The following TUBB4A variants were observed in gnomAD, a reference collection of about 807,000 sequenced individuals.
The protein encoded by TUBB4A is tubulin beta-4A chain.
In TUBB4A, 13 loss-of-function variants were observed where a neutral mutation model predicts 35.1. The ratio of observed to expected loss-of-function variants is 0.37; its 90% CI spans 0.24 to 0.59. The LOEUF is 0.59. Among genes scored for constraint, TUBB4A ranks in the 20% least tolerant of loss-of-function variants. The pLI, the probability that TUBB4A is intolerant of heterozygous loss-of-function variation, is 0.71. For missense variants in TUBB4A, 299 were observed against 647.2 expected, an observed-to-expected ratio of 0.46 and a Z score of 5.84; for synonymous variants, 279 against 272.4, an observed-to-expected ratio of 1.02 and a Z score of -0.24.
At position 6,501,925 on chromosome 19, in the gene TUBB4A, C is replaced by T; in HGVS notation, c.57+231G>A. 2 of 587,398 alleles carry T rather than the reference C, an allele frequency of 3.4e-6. No individual in the cohort carries two copies. Among genetic ancestry groups the T allele is most frequent in the Non-Finnish European group, 5.9e-6 (2 of 336,174 alleles). 36.4% of individuals were successfully genotyped at this position (587,398 alleles called of 1,614,324 possible). ...GACAGTGGCCCAGCTGTGGGCCCAG[C>T]TGTGACAGGCGGACAGAAGGCTGGC... On this transcript the variant is annotated intron_variant, in intron 1 of 3. Transcript: ENST00000264071. This position sits in a 1 kb window ranked among gnomAD's most constrained non-coding sequence, Gnocchi z 4.2.
At chr19:6,496,315 G>C in intron 3 of TUBB4A, 94 bp from the exon 4 acceptor site, 15 of 1,154,036 alleles carry the variant, frequency 1.3e-5, no homozygotes, top group South Asian at 1.5e-5. Flanking sequence ...TCTAGTAGTT[G>C]AATACTAGTA....
At chr19:6,500,608 G>A (rs566638954) in intron 3 of TUBB4A, 1 of 152,152 alleles carries the variant, frequency 6.6e-6, no homozygotes, top group Non-Finnish European at 1.5e-5. Context: ...GGGTGTGGTG[G>A]TGCATGCCTG....
rs1331074184 is a variant in TUBB4A at position 6,494,852 on chromosome 19, G to A, written c.*312C>T. Reference sequence around the variant, plus strand: ...GGGGGCAGAGGTCAAAGGTGAAGCAGAAGTCAGGGGTGAAGGAAGGTCTGC... The same window carrying A: ...GGGGGCAGAGGTCAAAGGTGAAGCAAAAGTCAGGGGTGAAGGAAGGTCTGC... On this transcript the variant is annotated 3_prime_UTR_variant, in exon 4 of 4. Transcript: ENST00000264071. 2.1e-6 allele frequency: 1 copy of A among 481,486 alleles called. No homozygotes were observed. The highest frequency in any genetic ancestry group is 1.9e-5 in the African/African-American group (1 of 51,496). 29.8% of individuals were successfully genotyped at this position (481,486 alleles called of 1,614,324 possible). A position where few individuals can be genotyped will look rare whatever the true frequency, so the allele number is the denominator to read the frequency against.
At chr19:6,499,721 C>G (rs943234670) in intron 3 of TUBB4A, among the ~76,000 whole-genome samples, 1 of 152,184 alleles carries the variant, frequency 6.6e-6, no homozygotes, top group African/African-American at 2.4e-5. Context: ...AAAACAACGA[C>G]AAATGCTTAT....
chr19:6,495,593 C>A lies in TUBB4A; in HGVS notation c.906G>T (p.Ala302=). 6.2e-7 allele frequency: 1 copy of A among 1,613,984 alleles called. No individual in the cohort carries two copies. The highest frequency in any genetic ancestry group is 8.5e-7 in the Non-Finnish European group (1 of 1,179,910). ...QMFDAKNMMA[A]CDPRHGRYLT... ...GGTAGCGGCCGTGGCGCGGGTCGCACGCCGCCATCATGTTCTTGGCATCGA... is the reference window on the plus strand; with the variant it reads ...GGTAGCGGCCGTGGCGCGGGTCGCAAGCCGCCATCATGTTCTTGGCATCGA... Residue 302 remains alanine, a synonymous_variant, in exon 4 of 4, where the codon GCG becomes GCT. Transcript: ENST00000264071. This position sits in a 1 kb window ranked among gnomAD's most constrained non-coding sequence, Gnocchi z 8.7.
chr19:6,496,607 G>A (rs1341157203), intron 3 of TUBB4A: 3 of 156,486 alleles, frequency 1.9e-5, no homozygotes, highest in East Asian at 1.8e-4. Flanking sequence ...CTGCAGCCTG[G>A]GCAACAGAGC....
Position 6,502,257 on chromosome 19 carries a change from G to T in TUBB4A, c.-45C>A, listed in dbSNP as rs1377765614. 3 of 1,480,244 alleles carry T rather than the reference G, an allele frequency of 2.0e-6. No homozygotes were observed. Among genetic ancestry groups the T allele is most frequent in the African/African-American group, 2.9e-5 (2 of 68,034 alleles). 91.7% of individuals were successfully genotyped at this position (1,480,244 alleles called of 1,614,324 possible). On this transcript the variant is annotated 5_prime_UTR_variant, in exon 1 of 4. Coordinates refer to ENST00000264071, the MANE Select transcript of TUBB4A (RefSeq NM_006087.4). ...GACGCGGCGGCGGTGGCACGAGCGC[G>T]GGGAGCTGCGGCGGCGGCGAGGGTG...
In TUBB4A at chr19:6,501,890, G is replaced by A; in HGVS notation, c.57+266C>T. ...GGGGAGGCACCGGGGCTCTTTGTGCGTGAGGAGGGGACAGTGGCCCAGCTG... is the reference window on the plus strand; with the variant it reads ...GGGGAGGCACCGGGGCTCTTTGTGCATGAGGAGGGGACAGTGGCCCAGCTG... On this transcript the variant is annotated intron_variant, in intron 1 of 3. Transcript: ENST00000264071. The surrounding 1 kb of genome is among the most constrained non-coding windows in gnomAD (Gnocchi z 4.2). 1 of 588,358 alleles carries A rather than the reference G, an allele frequency of 1.7e-6. No individual in the cohort carries two copies. The highest frequency in any genetic ancestry group is 2.9e-5 in the East Asian group (1 of 34,756). 36.4% of individuals were successfully genotyped at this position (588,358 alleles called of 1,614,324 possible). A position where few individuals can be genotyped will look rare whatever the true frequency, so the allele number is the denominator to read the frequency against.
At chr19:6,497,236 A>C (rs1420165560) in intron 3 of TUBB4A, among the ~76,000 whole-genome samples, 1 of 150,246 alleles carries the variant, frequency 6.7e-6, no homozygotes, top group Non-Finnish European at 1.5e-5. Context: ...AATAACAATA[A>C]AAAGATTAAT....
chr19:6,501,377 C>T lies in TUBB4A; in HGVS notation c.187G>A (p.Ala63Thr). 1 of 1,613,896 alleles carries T rather than the reference C, an allele frequency of 6.2e-7. No homozygotes were observed. The highest frequency in any genetic ancestry group is 8.5e-7 in the Non-Finnish European group (1 of 1,179,832). The part of the protein sequence containing the change: ...EATGGNYVPR[A>T]VLVDLEPGTM... Reference sequence around the variant, plus strand: ...CCGGGTTCCAGGTCCACCAGCACCGCTCTGGGGACATAATTTCCTCCTGCA... The same window carrying T: ...CCGGGTTCCAGGTCCACCAGCACCGTTCTGGGGACATAATTTCCTCCTGCA... The change falls in exon 3 of 4, where the codon GCG becomes ACG. Residue 63 changes from alanine (A) to threonine (T), a missense_variant. This residue lies in a region of TUBB4A where 123 missense variants were observed against 226.0 expected (regional missense o/e 0.54). Coordinates refer to ENST00000264071, the MANE Select transcript of TUBB4A (RefSeq NM_006087.4). This position sits in a 1 kb window ranked among gnomAD's most constrained non-coding sequence, Gnocchi z 4.2.
intron 3 of TUBB4A, among the ~76,000 whole-genome samples, chr19:6,500,297 T>G (rs1403591835): frequency 1.3e-5 from 2 of 151,032 alleles, no homozygotes; most frequent in Non-Finnish European, 3.0e-5. Flanking sequence ...CTCAGCTAAT[T>G]AAAATTTTTT....
rs1451228531 is a variant in TUBB4A at position 6,494,857 on chromosome 19, CA to C, written c.*306del. ...CAGAGGTCAAAGGTGAAGCAGAAGT[CA>C]GGGGTGAAGGAAGGTCTGCAAAGTT... On this transcript the variant is annotated 3_prime_UTR_variant, in exon 4 of 4. Coordinates refer to ENST00000264071, the MANE Select transcript of TUBB4A (RefSeq NM_006087.4). The C allele has an allele frequency of 1.0e-5, 5 of 491,208 alleles. No individual in the cohort carries two copies. Among genetic ancestry groups the C allele is most frequent in the East Asian group, 7.3e-5 (2 of 27,412 alleles). The allele number at this position is 491,208 out of a possible 1,614,324, so 30.4% of individuals were successfully genotyped here.
chr19:6,502,459 G>T (rs1013011573), upstream of TUBB4A: 3 of 480,110 alleles, frequency 6.2e-6, no homozygotes, highest in Admixed American at 8.9e-5. Flanking sequence ...TCCCCAGGGG[G>T]CCTCCCAGAG....
chr19:6,499,296 C>T (rs564297317), intron 3 of TUBB4A, among the ~76,000 whole-genome samples: 3 of 150,492 alleles, frequency 2.0e-5, no homozygotes, highest in Non-Finnish European at 4.4e-5. Flanking sequence ...ACGGAGACTC[C>T]GTCTCAAAAA....
In TUBB4A at chr19:6,501,406, A is replaced by G; in HGVS notation, c.167-9T>C. The G allele has an allele frequency of 5.0e-6, 8 of 1,612,194 alleles. No homozygotes were observed. The highest frequency in any genetic ancestry group is 6.8e-6 in the Non-Finnish European group (8 of 1,178,668). ...GGGGACATAATTTCCTCCTGCAGGGAAACAGATGGAGGGCAGTTCGATGCG... is the reference window on the plus strand; with the variant it reads ...GGGGACATAATTTCCTCCTGCAGGGGAACAGATGGAGGGCAGTTCGATGCG... On this transcript the variant is annotated splice_polypyrimidine_tract_variant and intron_variant, in intron 2 of 3. Coordinates refer to ENST00000264071, the MANE Select transcript of TUBB4A (RefSeq NM_006087.4). This position sits in a 1 kb window ranked among gnomAD's most constrained non-coding sequence, Gnocchi z 4.2.
intron 3 of TUBB4A, among the ~76,000 whole-genome samples, chr19:6,497,801 C>CG (rs1914321841): frequency 7.3e-6 from 1 of 137,782 alleles, no homozygotes; most frequent in South Asian, 2.5e-4. Context: ...GGCGAGGTGG[C>CG]GGGCGCCTGT....
rs114051551 is a variant in TUBB4A at position 6,499,631 on chromosome 19, C to T, written c.277+1656G>A. On this transcript the variant is annotated intron_variant, in intron 3 of 3. Coordinates refer to ENST00000264071, the MANE Select transcript of TUBB4A (RefSeq NM_006087.4). ...CTATCTTCACATATGCTGTTGCCTC[C>T]GTCTTAAACATCTTTCCTCCCTTCC... Among the ~76,000 whole-genome samples the T allele has an allele frequency of 3.2e-3, 488 of 152,294 alleles. 6 individuals carry two copies. The highest frequency in any genetic ancestry group is 0.01 in the African/African-American group (417 of 41,566).
At chr19:6,496,483 T>G in intron 3 of TUBB4A, 2 of 328,028 alleles carry the variant, frequency 6.1e-6, no homozygotes, top group Non-Finnish European at 1.1e-5. Context: ...CAAAAAAAAT[T>G]AGCCGGGAGT....
chr19:6,501,696 C>T lies in TUBB4A; in HGVS notation c.58-73G>A. 8.0e-7 allele frequency: 1 copy of T among 1,255,028 alleles called. No individual in the cohort carries two copies. Among genetic ancestry groups the T allele is most frequent in the Non-Finnish European group, 1.1e-6 (1 of 874,816 alleles). 77.7% of individuals were successfully genotyped at this position (1,255,028 alleles called of 1,614,324 possible). A position where few individuals can be genotyped will look rare whatever the true frequency, so the allele number is the denominator to read the frequency against. Reference sequence around the variant, plus strand: ...CCAAGCCGAGGACTGCCCCCAGCCCCCAACTAGCTCCCTAGCTGCCACCTC... The same window carrying T: ...CCAAGCCGAGGACTGCCCCCAGCCCTCAACTAGCTCCCTAGCTGCCACCTC... On this transcript the variant is annotated intron_variant, in intron 1 of 3. Coordinates refer to ENST00000264071, the MANE Select transcript of TUBB4A (RefSeq NM_006087.4). This position sits in a 1 kb window ranked among gnomAD's most constrained non-coding sequence, Gnocchi z 4.2.
Sources: allele counts gnomAD v4.1 joint callset (sites outside exome capture counted in the v4.1 genomes callset), GRCh38; gene constraint gnomAD v4.1.1; regional missense constraint gnomAD v4.1.1; non-coding constraint Gnocchi (gnomAD v3.1); transcripts MANE v1.5; gene names NCBI Gene and HGNC (gene_info 2026-07-23, HGNC 2026-07-21).